Variants in CELSR1 observed in about 807,000 individuals in gnomAD.
The protein encoded by CELSR1 is adhesion G protein-coupled receptor C1.
CELSR1 carries 110 observed loss-of-function variants against 249.1 expected under a neutral mutation model. That is an observed-to-expected ratio of 0.44 (90% CI 0.38 to 0.52). The LOEUF is 0.52. Among genes scored for constraint, CELSR1 ranks in the 20% least tolerant of loss-of-function variants. CELSR1 has a pLI of 0.00. For synonymous variants in CELSR1, 2,113 were observed against 1,900.0 expected, an observed-to-expected ratio of 1.11 and a Z score of -2.92; for missense variants, 4,109 against 4,296.4, an observed-to-expected ratio of 0.96 and a Z score of 1.22.
In CELSR1 at chr22:46,472,174, G is replaced by A. The variant is rs1186646655; in HGVS notation, c.3545-7829C>T. Among the ~76,000 whole-genome samples, 1 of 152,222 alleles carries A rather than the reference G, an allele frequency of 6.6e-6. No homozygotes were observed. The highest frequency in any genetic ancestry group is 2.4e-5 in the African/African-American group (1 of 41,454). On this transcript the variant is annotated intron_variant, in intron 1 of 34. Transcript: ENST00000674500. The surrounding 1 kb of genome is among the most constrained non-coding windows in gnomAD (Gnocchi z 7.0). ...GGAAGGAGACAGAGCAGACGGCAGA[G>A]CGCGAGGCTGCGGGGCCCTCCTGGC...
chr22:46,533,814 G>A lies in CELSR1; in HGVS notation c.3357C>T (p.Phe1119=), dbSNP rs750799218. 3 of 1,613,858 alleles carry A rather than the reference G, an allele frequency of 1.9e-6. No individual in the cohort carries two copies. Among genetic ancestry groups the A allele is most frequent in the Non-Finnish European group, 2.5e-6 (3 of 1,180,026 alleles). Residue 1119 remains phenylalanine, a synonymous_variant, in exon 1 of 35, where the codon TTC becomes TTT. Coordinates refer to ENST00000674500, the MANE Select transcript of CELSR1 (RefSeq NM_001378328.1). The part of the protein sequence containing the change: ...NNYVTNKSNS[F]PTGVIGCIPA... ...GGATGCAGCCGATCACGCCGGTGGGGAAACTGTTGGACTTGTTGGTGACAT... is the reference window on the plus strand; with the variant it reads ...GGATGCAGCCGATCACGCCGGTGGGAAAACTGTTGGACTTGTTGGTGACAT...
chr22:46,426,562 A>G (rs962553568), intron 5 of CELSR1, among the ~76,000 whole-genome samples: 2 of 152,168 alleles, frequency 1.3e-5, no homozygotes, highest in African/African-American at 4.8e-5. Flanking sequence ...CACCTCCCAA[A>G]GGCTGCACTT....
intron 23 of CELSR1, among the ~76,000 whole-genome samples, chr22:46,378,104 G>C (rs911451398): frequency 1.3e-5 from 2 of 152,226 alleles, no homozygotes; most frequent in African/African-American, 4.8e-5. Context: ...TTCCCAGGCC[G>C]CTTAAAATGC....
At position 46,377,098 on chromosome 22, in the gene CELSR1, A is replaced by G. The variant is rs2078926759; in HGVS notation, c.7547T>C (p.Leu2516Pro). The G allele has an allele frequency of 6.2e-7, 1 of 1,613,362 alleles. No individual in the cohort carries two copies. Among genetic ancestry groups the G allele is most frequent in the African/African-American group, 1.3e-5 (1 of 74,908 alleles). Residue 2516 changes from leucine to proline, a missense_variant, in exon 24 of 35, where the codon CTG becomes CCG. Transcript: ENST00000674500. The part of the protein sequence containing the change: ...HLAVALFLSQ[L>P]VFVIGINQTE... ...CTGGTTGATCCCAATCACGAACACC[A>G]GCTGAGAGAGGAAGAGCGCCACGGC... is the stretch of plus-strand genomic sequence containing the variant.
chr22:46,464,446 G>T lies in CELSR1; in HGVS notation c.3545-101C>A. On this transcript the variant is annotated intron_variant, in intron 1 of 34. Coordinates refer to ENST00000674500, the MANE Select transcript of CELSR1 (RefSeq NM_001378328.1). This position sits in a 1 kb window ranked among gnomAD's most constrained non-coding sequence, Gnocchi z 8.5. ...AGCCTCAGGCATGCTTGGCAAAGGA[G>T]AAGAGAGCCTGGGCATCCCCACTCC... 3 of 1,299,450 alleles carry T rather than the reference G, an allele frequency of 2.3e-6. No homozygotes were observed. In the South Asian group the frequency reaches 4.3e-5, roughly 18 times the overall value. 80.5% of individuals were successfully genotyped at this position (1,299,450 alleles called of 1,614,324 possible).
rs987577121 is a variant in CELSR1 at position 46,434,498 on chromosome 22, G to A, written c.4523-1017C>T. Among the ~76,000 whole-genome samples the A allele has an allele frequency of 5.9e-5, 9 of 152,236 alleles. No individual in the cohort carries two copies. Among genetic ancestry groups the A allele is most frequent in the Non-Finnish European group, 1.0e-4 (7 of 68,038 alleles). The stretch of plus-strand genomic sequence containing the variant: ...CTAATCCCACCTCACAGAGCCCGGA[G>A]GGCTATGGCCACCTCTCCCATGGTG... On this transcript the variant is annotated intron_variant, in intron 4 of 34. Transcript: ENST00000674500. The surrounding 1 kb of genome is among the most constrained non-coding windows in gnomAD (Gnocchi z 4.9).
Position 46,512,776 on chromosome 22 carries a change from A to G in CELSR1, c.3544+20851T>C, listed in dbSNP as rs924873187. Among the ~76,000 whole-genome samples the G allele has an allele frequency of 2.6e-5, 4 of 152,146 alleles. No individual in the cohort carries two copies. Among genetic ancestry groups the G allele is most frequent in the African/African-American group, 7.2e-5 (3 of 41,428 alleles). On this transcript the variant is annotated intron_variant, in intron 1 of 34. Coordinates refer to ENST00000674500, the MANE Select transcript of CELSR1 (RefSeq NM_001378328.1). The surrounding 1 kb of genome is among the most constrained non-coding windows in gnomAD (Gnocchi z 5.2). ...AGCGGGTTTCCGTTCCCTGCCATCCAGAGGAATTATTCAGACAAGCTACCC... is the reference window on the plus strand; with the variant it reads ...AGCGGGTTTCCGTTCCCTGCCATCCGGAGGAATTATTCAGACAAGCTACCC...
rs2079633845 is a variant in CELSR1, at chr22:46,434,411, T to C, written c.4523-930A>G. 1.3e-5 allele frequency among the ~76,000 whole-genome samples: 2 copies of C among 151,976 alleles called. No individual in the cohort carries two copies. The highest frequency in any genetic ancestry group is 4.8e-5 in the African/African-American group (2 of 41,344). ...ACCAGGTCCCGGGCAGAGAATACCG[T>C]CTCCAGGGAACCAGCAGGAGTTCTG... On this transcript the variant is annotated intron_variant, in intron 4 of 34. Coordinates refer to ENST00000674500, the MANE Select transcript of CELSR1 (RefSeq NM_001378328.1). The surrounding 1 kb of genome is among the most constrained non-coding windows in gnomAD (Gnocchi z 4.9).
At chr22:46,420,178 TCATA>T (rs1267533865) in intron 5 of CELSR1, among the ~76,000 whole-genome samples, 3 of 147,792 alleles carry the variant, frequency 2.0e-5, no homozygotes, top group African/African-American at 7.5e-5. Context: ...GTGCACTCAT[TCATA>T]CTCACATGTG....
rs1345946056 is a variant in CELSR1, at chr22:46,391,278, T to C, written c.6158A>G (p.Asn2053Ser). ...VTTLGCEVIY[N>S]GCPKAFEAGI... ...GGCCTCAAATGCTTTGGGACAGCCA[T>C]TGTAGATCACTGGGGTAGAGAAGAG... The change falls in exon 16 of 35, where the codon AAT becomes AGT. Residue 2053 changes from asparagine (N) to serine (S), a missense_variant. Physicochemically the swap from Asn to Ser is conservative, Grantham distance 46 (BLOSUM62 1). This residue lies in a region of CELSR1 where 1,805 missense variants were observed against 1,831.6 expected (regional missense o/e 0.99). Coordinates refer to ENST00000674500, the MANE Select transcript of CELSR1 (RefSeq NM_001378328.1). The surrounding 1 kb of genome is among the most constrained non-coding windows in gnomAD (Gnocchi z 4.3). 6 of 1,613,376 alleles carry C rather than the reference T, an allele frequency of 3.7e-6. No individual in the cohort carries two copies. In the African/African-American group the frequency reaches 5.3e-5, roughly 14 times the overall value.
intron 17 of CELSR1, among the ~76,000 whole-genome samples, chr22:46,389,745 G>A (rs1233216457): frequency 2.0e-5 from 3 of 151,880 alleles, no homozygotes; most frequent in Non-Finnish European, 4.4e-5. Flanking sequence ...GTGAAAACCC[G>A]TCTCTACTCT....
chr22:46,392,337 C>A lies in CELSR1; in HGVS notation c.5965-521G>T, dbSNP rs528879051. Among the ~76,000 whole-genome samples, 22 of 152,292 alleles carry A rather than the reference C, an allele frequency of 1.4e-4. No individual in the cohort carries two copies. The East Asian group carries it at 4.1e-3, about 28-fold the overall frequency. On this transcript the variant is annotated intron_variant, in intron 14 of 34. Transcript: ENST00000674500. ...TCCCCAGGCCCAAGTAGCACCCCCTCAACCCCGCCCCGGAAAACGGGGCAG... is the reference window on the plus strand; with the variant it reads ...TCCCCAGGCCCAAGTAGCACCCCCTAAACCCCGCCCCGGAAAACGGGGCAG...
At chr22:46,515,000 T>A (rs140712889) in intron 1 of CELSR1, among the ~76,000 whole-genome samples, 2 of 152,286 alleles carry the variant, frequency 1.3e-5, no homozygotes, top group South Asian at 4.1e-4. Flanking sequence ...TCTTGGGCCC[T>A]GGCAACCAGC....
rs35385606 is a variant in CELSR1, at chr22:46,381,995, C to T, written c.6939G>A (p.Pro2313=). 79,252 of 1,564,282 alleles carry T rather than the reference C, an allele frequency of 0.051. 2,297 individuals carry two copies. The highest frequency in any genetic ancestry group is 0.06 in the Non-Finnish European group (69,876 of 1,156,764). The change falls in exon 21 of 35, where the codon CCG becomes CCA. Residue 2313 remains proline, a synonymous_variant. Transcript: ENST00000674500. The surrounding 1 kb of genome is among the most constrained non-coding windows in gnomAD (Gnocchi z 6.0). ...GRRTTPQTTR[P]GPGTEREAPI... Reference sequence around the variant, plus strand: ...GGGCCTCCCTCTCGGTGCCAGGCCCCGGGCGCGTGGTCTGCGGGGTGGTCC... The same window carrying T: ...GGGCCTCCCTCTCGGTGCCAGGCCCTGGGCGCGTGGTCTGCGGGGTGGTCC...
chr22:46,531,639 C>T (rs913834220), intron 1 of CELSR1, among the ~76,000 whole-genome samples: 1 of 152,186 alleles, frequency 6.6e-6, no homozygotes, highest in Non-Finnish European at 1.5e-5. Flanking sequence ...GGTTTAACGC[C>T]GAGTGCCCCC....
At position 46,412,459 on chromosome 22, in the gene CELSR1, G is replaced by A. The variant is rs888255729; in HGVS notation, c.4612-700C>T. ...TGCTCCTGGAGTACAGACACCAGGA[G>A]GCCACTGCCCGGCCTGCAGACGGCC... On this transcript the variant is annotated intron_variant, in intron 5 of 34. Transcript: ENST00000674500. The surrounding 1 kb of genome is among the most constrained non-coding windows in gnomAD (Gnocchi z 4.5). Among the ~76,000 whole-genome samples, 10 of 152,200 alleles carry A rather than the reference G, an allele frequency of 6.6e-5. No homozygotes were observed. Among genetic ancestry groups the A allele is most frequent in the African/African-American group, 2.4e-4 (10 of 41,458 alleles).
intron 1 of CELSR1, among the ~76,000 whole-genome samples, chr22:46,530,900 C>T (rs1385386722): frequency 6.6e-6 from 1 of 152,222 alleles, no homozygotes; most frequent in Non-Finnish European, 1.5e-5. Flanking sequence ...CTGTTGCATA[C>T]AGCACCTCCA....
At position 46,411,879 on chromosome 22, in the gene CELSR1, G is replaced by C. The variant is rs1188114067; in HGVS notation, c.4612-120C>G. 2.9e-5 allele frequency: 37 copies of C among 1,283,348 alleles called. No individual in the cohort carries two copies. The highest frequency in any genetic ancestry group is 3.8e-5 in the Non-Finnish European group (35 of 911,346). The allele number at this position is 1,283,348 out of a possible 1,614,324, so 79.5% of individuals were successfully genotyped here. A position where few individuals can be genotyped will look rare whatever the true frequency, so the allele number is the denominator to read the frequency against. ...ACAGGGTGGGCGGCACGTAGACAAG[G>C]GATGAGGAGCCCCCGGCCTTTAGTT... On this transcript the variant is annotated intron_variant, in intron 5 of 34. Transcript: ENST00000674500. This position sits in a 1 kb window ranked among gnomAD's most constrained non-coding sequence, Gnocchi z 4.2.
chr22:46,373,967 C>T (rs2078889682), intron 24 of CELSR1, among the ~76,000 whole-genome samples: 1 of 152,202 alleles, frequency 6.6e-6, no homozygotes, highest in African/African-American at 2.4e-5. Context: ...CTAAGGGTGC[C>T]CCTGCTGACA....
Sources: allele counts gnomAD v4.1 joint callset (sites outside exome capture counted in the v4.1 genomes callset), GRCh38; gene constraint gnomAD v4.1.1; regional missense constraint gnomAD v4.1.1; non-coding constraint Gnocchi (gnomAD v3.1); transcripts MANE v1.5; gene names NCBI Gene and HGNC (gene_info 2026-07-23, HGNC 2026-07-21).